The following RGS6 variants were observed in gnomAD, a reference collection of about 807,000 sequenced individuals.
The protein encoded by RGS6 is regulator of G-protein signaling 6.
Under a neutral mutation model 78.5 loss-of-function variants are expected in RGS6, and 30 were observed. The observed-to-expected ratio is 0.38, with a 90% CI of 0.29 to 0.52. The LOEUF (loss-of-function observed/expected upper bound fraction) is 0.52. Ranked by LOEUF, RGS6 falls within the 20% of genes least tolerant of loss-of-function variation. The pLI is 0.85. For synonymous variants in RGS6, 206 were observed against 206.0 expected (o/e 1.00, Z 0.00); for missense variants, 495 against 609.7 (o/e 0.81, Z 1.98).
intron 2 of RGS6, among the ~76,000 whole-genome samples, chr14:72,055,312 A>ATT (rs143658724): frequency 1.2e-4 from 18 of 150,520 alleles, no homozygotes; most frequent in South Asian, 4.2e-4. Flanking sequence ...TCAGACATCA[A>ATT]TTTTTTTTTT....
At chr14:72,506,662 A>G (rs1010042037) in intron 13 of RGS6, among the ~76,000 whole-genome samples, 2 of 152,234 alleles carry the variant, frequency 1.3e-5, no homozygotes, top group East Asian at 1.9e-4. Flanking sequence ...TAGTAATACA[A>G]TTGTGAATAA....
In RGS6 at chr14:72,139,137, C is replaced by T. The variant is rs188625994; in HGVS notation, c.84+174262C>T. Among the ~76,000 whole-genome samples the T allele has an allele frequency of 1.6e-4, 24 of 152,260 alleles. No homozygotes were observed. The East Asian group carries it at 3.1e-3, about 20-fold the overall frequency. ...TCTGGATTTTGGATCTGGGAGAAGT[C>T]TTGCAGAGACGAAGCAACATTTGAG... On this transcript the variant is annotated intron_variant, in intron 2 of 17. Coordinates refer to ENST00000553525, the MANE Select transcript of RGS6 (RefSeq NM_001204424.2).
chr14:72,244,126 G>A (rs757530888), intron 2 of RGS6, among the ~76,000 whole-genome samples: 11 of 152,188 alleles, frequency 7.2e-5, no homozygotes, highest in Non-Finnish European at 1.6e-4. Context: ...CACTCCCTGA[G>A]AGATAATGAT....
intron 2 of RGS6, among the ~76,000 whole-genome samples, chr14:72,001,380 T>C (rs549097560): frequency 6.6e-5 from 10 of 152,122 alleles, no homozygotes; most frequent in African/African-American, 2.2e-4. Flanking sequence ...TTTAGTTCTC[T>C]CTAGGGCCTT....
the RGS6 span, among the ~76,000 whole-genome samples, chr14:71,886,505 T>C: frequency 6.6e-6 from 1 of 152,170 alleles, no homozygotes; most frequent in South Asian, 2.1e-4. Context: ...CGTTTAGTAG[T>C]CTTCTGTCTA....
the RGS6 span, among the ~76,000 whole-genome samples, chr14:71,870,799 G>A: frequency 6.6e-6 from 1 of 152,174 alleles, no homozygotes; most frequent in African/African-American, 2.4e-5. Flanking sequence ...CCCAGTGTGG[G>A]CCCAGGATTC....
rs78126194 is a variant in RGS6 at position 72,507,682 on chromosome 14, G to C, written c.966-2472G>C. Among the ~76,000 whole-genome samples, 357 of 152,312 alleles carry C rather than the reference G, an allele frequency of 2.3e-3. 10 individuals are homozygous for C. The East Asian group carries it at 0.059, about 25-fold the overall frequency. The stretch of plus-strand genomic sequence containing the variant: ...GAATGAATGTGGACTCACCACTTGG[G>C]TACCAGAAAGGGGTGACACTGGTGG... On this transcript the variant is annotated intron_variant, in intron 13 of 17. Transcript: ENST00000553525.
intron 2 of RGS6, among the ~76,000 whole-genome samples, chr14:72,325,300 T>G (rs562962177): frequency 9.2e-5 from 14 of 152,304 alleles, no homozygotes; most frequent in Middle Eastern, 3.4e-3. Flanking sequence ...CCATTCTGTA[T>G]GTTGCCTGTT....
chr14:72,562,596 T>C lies in RGS6; in HGVS notation c.*129T>C. ...TGTGAAGGAGAAAGAGTGAGGGCAA[T>C]GAAGGGCGATGGTGGGGAGACTCGG... On this transcript the variant is annotated 3_prime_UTR_variant, in exon 18 of 18. Coordinates refer to ENST00000553525, the MANE Select transcript of RGS6 (RefSeq NM_001204424.2). 1 of 1,538,836 alleles carries C rather than the reference T, an allele frequency of 6.5e-7. No individual in the cohort carries two copies. Among genetic ancestry groups the C allele is most frequent in the Non-Finnish European group, 8.7e-7 (1 of 1,147,722 alleles).
intron 2 of RGS6, among the ~76,000 whole-genome samples, chr14:72,274,139 C>T (rs2060329321): frequency 1.3e-5 from 2 of 152,146 alleles, no homozygotes; most frequent in Admixed American, 1.3e-4. Context: ...GTAAGGGGTA[C>T]ATTAGATACT....
chr14:72,155,411 G>T (rs1344327399), intron 2 of RGS6, among the ~76,000 whole-genome samples: 1 of 152,106 alleles, frequency 6.6e-6, no homozygotes, highest in Non-Finnish European at 1.5e-5. Context: ...GACCTTAAAG[G>T]CCAGCTTATT....
At chr14:72,411,950 G>A (rs1566774953) in intron 3 of RGS6, among the ~76,000 whole-genome samples, 1 of 152,110 alleles carries the variant, frequency 6.6e-6, no homozygotes, top group Non-Finnish European at 1.5e-5. Context: ...TTTTTGATGT[G>A]TTGCTGGATT....
intron 13 of RGS6, among the ~76,000 whole-genome samples, chr14:72,509,819 T>A (rs928686513): frequency 1.3e-5 from 2 of 152,136 alleles, no homozygotes; most frequent in African/African-American, 4.8e-5. Flanking sequence ...GTTATAGTAC[T>A]AGTGAAAAAA....
chr14:72,366,905 A>G (rs890496512), intron 3 of RGS6, among the ~76,000 whole-genome samples: 2 of 152,188 alleles, frequency 1.3e-5, no homozygotes, highest in Non-Finnish European at 2.9e-5. Flanking sequence ...ATAATTCTCC[A>G]TCACCTGAAT....
the RGS6 span, among the ~76,000 whole-genome samples, chr14:72,620,846 C>A: frequency 1.3e-5 from 2 of 152,220 alleles, no homozygotes; most frequent in Non-Finnish European, 2.9e-5. Context: ...CATCTAATCA[C>A]GTTTGTTTTC....
chr14:72,556,770 A>C (rs774077957), intron 17 of RGS6, among the ~76,000 whole-genome samples: 3 of 152,196 alleles, frequency 2.0e-5, no homozygotes, highest in Non-Finnish European at 4.4e-5. Context: ...AAACAGGTTC[A>C]GTTTTAAGTA....
intron 15 of RGS6, among the ~76,000 whole-genome samples, chr14:72,535,214 T>C (rs1473940958): frequency 6.6e-6 from 1 of 152,136 alleles, no homozygotes; most frequent in Non-Finnish European, 1.5e-5. Flanking sequence ...GGCCAGAATG[T>C]ATAACAAATG....
intron 8 of RGS6, among the ~76,000 whole-genome samples, chr14:72,471,683 C>T (rs2096079610): frequency 6.6e-6 from 1 of 152,220 alleles, no homozygotes; most frequent in African/African-American, 2.4e-5. Flanking sequence ...CAGTCTCTGC[C>T]TTTCTCCTGT....
At position 72,090,862 on chromosome 14, in the gene RGS6, G is replaced by T. The variant is rs6574046; in HGVS notation, c.84+125987G>T. On this transcript the variant is annotated intron_variant, in intron 2 of 17. Coordinates refer to ENST00000553525, the MANE Select transcript of RGS6 (RefSeq NM_001204424.2). ...ATGGGATTGGCGCAGGCTCCTGTTG[G>T]GGCACTCGGTGAAGGTCCTCCCTCC... 3.9e-5 allele frequency among the ~76,000 whole-genome samples: 6 copies of T among 152,098 alleles called. No homozygotes were observed. In the East Asian group the frequency reaches 9.7e-4, roughly 25 times the overall value.
Sources: gnomAD v4.1 joint callset for allele counts (sites outside exome capture counted in the v4.1 genomes callset) on GRCh38, gnomAD v4.1.1 for gene constraint, MANE v1.5 for transcripts, NCBI Gene and HGNC (gene_info 2026-07-23, HGNC 2026-07-21) for gene names.